The following RAB11FIP4 variants were observed in gnomAD, a reference collection of about 807,000 sequenced individuals.
RAB11FIP4 encodes the protein RAB11 family interacting protein 4, also known as rab11 family-interacting protein 4.
RAB11FIP4 carries 23 observed loss-of-function variants against 74.3 expected under a neutral mutation model. The ratio of observed to expected loss-of-function variants is 0.31; its 90% CI spans 0.22 to 0.44. The LOEUF is 0.44. RAB11FIP4 is among the 20% of genes least tolerant of loss of function. The pLI is 1.00. For missense variants in RAB11FIP4, 630 were observed against 863.9 expected (o/e 0.73, Z 3.39); for synonymous variants, 360 against 359.9 (o/e 1.00, Z 0.00).
chr17:31,402,726 A>G (rs1418132529), intron 1 of RAB11FIP4, among the ~76,000 whole-genome samples: 2 of 151,288 alleles, frequency 1.3e-5, no homozygotes, highest in Non-Finnish European at 2.9e-5. Flanking sequence ...GGTTCACGCC[A>G]TTCTCCTGCC....
intron 3 of RAB11FIP4, among the ~76,000 whole-genome samples, chr17:31,437,704 A>G (rs1041805242): frequency 2.0e-5 from 3 of 151,984 alleles, no homozygotes; most frequent in Non-Finnish European, 4.4e-5. Flanking sequence ...TGTGGCTCGT[A>G]ATTAAAGCAG....
In RAB11FIP4 at chr17:31,536,059, A is replaced by C. The variant is rs980502865; in HGVS notation, c.*4327A>C. On this transcript the variant is annotated 3_prime_UTR_variant, in exon 15 of 15. Transcript: ENST00000621161. ...AGTTGGGGGGGGGGGGCGCGGGGAC[A>C]GAAGCGCGGGTTCTTGGTTCCAATG... 2.0e-5 allele frequency: 3 copies of C among 151,058 alleles called. No individual in the cohort carries two copies. Among genetic ancestry groups the C allele is most frequent in the Admixed American group, 6.6e-5 (1 of 15,226 alleles). 9.4% of individuals were successfully genotyped at this position (151,058 alleles called of 1,614,324 possible). A position where few individuals can be genotyped will look rare whatever the true frequency, so the allele number is the denominator to read the frequency against.
At chr17:31,433,490 G>A (rs935384198) in intron 2 of RAB11FIP4, among the ~76,000 whole-genome samples, 2 of 152,252 alleles carry the variant, frequency 1.3e-5, no homozygotes, top group African/African-American at 4.8e-5. Context: ...GCCTGTGCCA[G>A]GCATTTTGTC....
At chr17:31,452,045 T>C (rs1370949470) in intron 3 of RAB11FIP4, among the ~76,000 whole-genome samples, 1 of 151,976 alleles carries the variant, frequency 6.6e-6, no homozygotes, top group African/African-American at 2.4e-5. Context: ...TTACAATTCT[T>C]CTAGCTTTTT....
At chr17:31,422,694 A>G (rs1174405931) in intron 1 of RAB11FIP4, among the ~76,000 whole-genome samples, 5 of 152,282 alleles carry the variant, frequency 3.3e-5, no homozygotes, top group African/African-American at 9.6e-5. Context: ...ATCCAATCCA[A>G]TGAACTTTTA....
At chr17:31,521,844 C>G in intron 5 of RAB11FIP4, 71 bp from the exon 6 acceptor site, 2 of 1,587,864 alleles carry the variant, frequency 1.3e-6, no homozygotes, top group Non-Finnish European at 8.6e-7. Context: ...GTAAAGTCAG[C>G]TCAGCAGGGT....
rs79903799 is a variant in RAB11FIP4, at chr17:31,489,605, C to G, written c.337-28046C>G. Among the ~76,000 whole-genome samples the G allele has an allele frequency of 8.0e-3, 1,211 of 152,310 alleles. 10 individuals are homozygous for G. Among genetic ancestry groups the G allele is most frequent in the African/African-American group, 0.028 (1,159 of 41,564 alleles). On this transcript the variant is annotated intron_variant, in intron 3 of 14. Coordinates refer to ENST00000621161, the MANE Select transcript of RAB11FIP4 (RefSeq NM_032932.6). The stretch of plus-strand genomic sequence containing the variant: ...GGAACATTACACACGGGACACTTCC[C>G]TGCCTTCAAGGTGTTTGCAAGCTCA...
chr17:31,477,937 T>G (rs1272361875), intron 3 of RAB11FIP4, among the ~76,000 whole-genome samples: 2 of 151,826 alleles, frequency 1.3e-5, no homozygotes, highest in Admixed American at 1.3e-4. Flanking sequence ...TCATATCATG[T>G]GAAGCACTAG....
intron 3 of RAB11FIP4, among the ~76,000 whole-genome samples, chr17:31,439,948 A>G (rs1330126003): frequency 6.6e-6 from 1 of 152,130 alleles, no homozygotes; most frequent in Non-Finnish European, 1.5e-5. Flanking sequence ...AAATCTCTAT[A>G]TATCCTGATT....
chr17:31,516,746 C>T (rs943620952), intron 3 of RAB11FIP4, among the ~76,000 whole-genome samples: 3 of 152,214 alleles, frequency 2.0e-5, no homozygotes, highest in African/African-American at 7.2e-5. Context: ...GGATTACAGG[C>T]GTGAGCCACC....
chr17:31,525,136 G>A lies in RAB11FIP4; in HGVS notation c.1180G>A (p.Glu394Lys), dbSNP rs973856294. 63 of 1,550,088 alleles carry A rather than the reference G, an allele frequency of 4.1e-5. No homozygotes were observed. The East Asian group carries it at 5.9e-4, about 14-fold the overall frequency. The change falls in exon 10 of 15, where the codon GAG becomes AAG. Residue 394 changes from glutamate (E) to lysine (K), a missense_variant. Physicochemically the swap from Glu to Lys is moderately conservative, Grantham distance 56. Coordinates refer to ENST00000621161, the MANE Select transcript of RAB11FIP4 (RefSeq NM_032932.6). Reference protein sequence around the residue: ...EMVKDQETTAEQALEEEARRH... With the variant: ...EMVKDQETTAKQALEEEARRH... ...GGTGAAGGATCAGGAGACCACGGCCGAGCAGGCTCTGGAGGAGGAGGCGCG... is the reference window on the plus strand; with the variant it reads ...GGTGAAGGATCAGGAGACCACGGCCAAGCAGGCTCTGGAGGAGGAGGCGCG...
chr17:31,462,402 T>C (rs190086339), intron 3 of RAB11FIP4, among the ~76,000 whole-genome samples: 396 of 152,252 alleles, frequency 2.6e-3, no homozygotes, highest in African/African-American at 8.6e-3. Flanking sequence ...GCCAGCAGCA[T>C]AGATGAGTGA....
intron 3 of RAB11FIP4, among the ~76,000 whole-genome samples, chr17:31,464,749 C>CCTT: frequency 2.5e-5 from 1 of 39,642 alleles, no homozygotes; most frequent in African/African-American, 1.1e-4. Flanking sequence ...CTGTGCCCGG[C>CCTT]TTTTTTTTTT....
intron 13 of RAB11FIP4, 102 bp downstream of exon 13, chr17:31,528,880 G>GACAGGCAGTGCTGCTA: frequency 2.3e-6 from 3 of 1,316,104 alleles, no homozygotes; most frequent in South Asian, 1.4e-5. Context: ...AGCTGTAGCA[G>GACAGGCAGTGCTGCTA]CACTGCCTGT....
At position 31,486,754 on chromosome 17, in the gene RAB11FIP4, C is replaced by G. The variant is rs531739539; in HGVS notation, c.337-30897C>G. ...TCTCTTGGGGCCACAGCTCTAGCTC[C>G]TCTCTTAGGTGGCTCTGGCCAGGAG... On this transcript the variant is annotated intron_variant, in intron 3 of 14. Coordinates refer to ENST00000621161, the MANE Select transcript of RAB11FIP4 (RefSeq NM_032932.6). Among the ~76,000 whole-genome samples, 18 of 152,360 alleles carry G rather than the reference C, an allele frequency of 1.2e-4. No homozygotes were observed. The East Asian group carries it at 3.3e-3, about 28-fold the overall frequency.
intron 3 of RAB11FIP4, among the ~76,000 whole-genome samples, chr17:31,474,766 C>T (rs574213383): frequency 5.3e-5 from 8 of 151,590 alleles, no homozygotes; most frequent in South Asian, 2.1e-4. Flanking sequence ...AGCTTGAACC[C>T]GGGAGGTGGA....
chr17:31,490,891 T>A (rs536201700), intron 3 of RAB11FIP4, among the ~76,000 whole-genome samples: 22 of 152,190 alleles, frequency 1.4e-4, no homozygotes, highest in Non-Finnish European at 2.6e-4. Flanking sequence ...TGCTGTCTGG[T>A]GTTAGCAGTG....
chr17:31,483,807 A>G (rs1018293730), intron 3 of RAB11FIP4, among the ~76,000 whole-genome samples: 2 of 152,144 alleles, frequency 1.3e-5, no homozygotes, highest in Non-Finnish European at 2.9e-5. Flanking sequence ...AACCATATAT[A>G]TATATATTTA....
At chr17:31,461,875 G>A (rs2071637274) in intron 3 of RAB11FIP4, among the ~76,000 whole-genome samples, 1 of 152,196 alleles carries the variant, frequency 6.6e-6, no homozygotes, top group African/African-American at 2.4e-5. Context: ...CACCCTCGGA[G>A]ATTCATTCAT....
Sources: gnomAD v4.1 joint callset for allele counts (sites outside exome capture counted in the v4.1 genomes callset) on GRCh38, gnomAD v4.1.1 for gene constraint, MANE v1.5 for transcripts, NCBI Gene and HGNC (gene_info 2026-07-23, HGNC 2026-07-21) for gene names.